Variants in MILR1 observed in about 807,000 individuals in gnomAD.
MILR1 encodes the protein allergin-1.
MILR1 carries 31 observed loss-of-function variants against 18.5 expected under a neutral mutation model. That is an observed-to-expected ratio of 1.68 (90% confidence interval 1.26 to 2.26). The LOEUF is 2.26. Ranked by LOEUF, MILR1 falls within the 30% of genes most tolerant of loss-of-function variation. The pLI, the probability that MILR1 is intolerant of heterozygous loss-of-function variation, is 0.00. For missense variants in MILR1, 257 were observed against 157.4 expected (o/e 1.63, Z -3.38); for synonymous variants, 85 against 56.2 (o/e 1.51, Z -2.30).
At chr17:64,454,678 A>G (rs2037250947) in intron 3 of MILR1, among the ~76,000 whole-genome samples, 1 of 152,180 alleles carries the variant, frequency 6.6e-6, no homozygotes, top group African/African-American at 2.4e-5. Flanking sequence ...GTTTTAGAGA[A>G]TGCTACGGAC....
chr17:64,493,572 C>T, the MILR1 span, among the ~76,000 whole-genome samples: 2 of 152,080 alleles, frequency 1.3e-5, no homozygotes, highest in Non-Finnish European at 2.9e-5. Context: ...GCAACCTCCG[C>T]CTCCCGGGTT....
chr17:64,462,638 A>G (rs917198207), intron 5 of MILR1, among the ~76,000 whole-genome samples: 9 of 150,610 alleles, frequency 6.0e-5, no homozygotes, highest in African/African-American at 2.2e-4. Flanking sequence ...CAAAACCCAC[A>G]ATTACTTTTT....
At chr17:64,496,349 A>C in the MILR1 span, 1 of 1,142,374 alleles carries the variant, frequency 8.8e-7, no homozygotes, top group Non-Finnish European at 1.3e-6. Flanking sequence ...AGATCCAGCA[A>C]GACTGCCTCG....
In MILR1 at chr17:64,454,764, C is replaced by A. The variant is rs929028435; in HGVS notation, c.367+1898C>A. ...ATCCCAGCACTTTGTGAGGCTGAGGCGGGAGGATCACCTGAGCCCAGGAGT... is the reference window on the plus strand; with the variant it reads ...ATCCCAGCACTTTGTGAGGCTGAGGAGGGAGGATCACCTGAGCCCAGGAGT... On this transcript the variant is annotated intron_variant, in intron 3 of 9. Transcript: ENST00000619286. Among the ~76,000 whole-genome samples, 680 of 152,132 alleles carry A rather than the reference C, an allele frequency of 4.5e-3. 3 individuals are homozygous for A. Among genetic ancestry groups the A allele is most frequent in the Non-Finnish European group, 7.7e-3 (523 of 67,998 alleles).
chr17:64,480,272 G>GA, the MILR1 span: 1 of 1,229,902 alleles, frequency 8.1e-7, no homozygotes, highest in Non-Finnish European at 1.2e-6. Context: ...ACTCTTTAAT[G>GA]AAAATACAAT....
At chr17:64,454,257 A>T (rs2037240789) in intron 3 of MILR1, among the ~76,000 whole-genome samples, 1 of 151,988 alleles carries the variant, frequency 6.6e-6, no homozygotes, top group Admixed American at 6.6e-5. Flanking sequence ...AGCCTATGTC[A>T]CCCAGGCTGG....
chr17:64,469,768 G>C (rs1555664257), downstream of MILR1, among the ~76,000 whole-genome samples: 1 of 152,150 alleles, frequency 6.6e-6, no homozygotes, highest in African/African-American at 2.4e-5. Context: ...GCTGCTGTGG[G>C]CTCCTCTGGC....
At chr17:64,496,359 G>T in the MILR1 span, 1 of 1,267,000 alleles carries the variant, frequency 7.9e-7, no homozygotes, top group African/African-American at 1.5e-5. Flanking sequence ...AGACTGCCTC[G>T]CCTTTCCACC....
chr17:64,459,986 AT>A (rs869263015), intron 4 of MILR1, among the ~76,000 whole-genome samples: 2 of 58,890 alleles, frequency 3.4e-5, no homozygotes, highest in Admixed American at 2.0e-4. Flanking sequence ...TTTTTATTTT[AT>A]TTTATTTTAT....
chr17:64,488,185 G>C, the MILR1 span, among the ~76,000 whole-genome samples: 2 of 152,158 alleles, frequency 1.3e-5, no homozygotes, highest in East Asian at 3.9e-4. Context: ...GCAACACAGC[G>C]AGACCCCATC....
the MILR1 span, chr17:64,491,389 C>G: frequency 1.7e-5 from 10 of 605,404 alleles, no homozygotes; most frequent in East Asian, 2.9e-4. Flanking sequence ...GAGCTTAGGA[C>G]TTCGAGACCA....
chr17:64,489,299 A>G, the MILR1 span, among the ~76,000 whole-genome samples: 1 of 151,808 alleles, frequency 6.6e-6, no homozygotes, highest in African/African-American at 2.4e-5. Context: ...AGGAGAAGGA[A>G]AAGCTCTACA....
At chr17:64,450,120 T>A (rs963349092) in intron 2 of MILR1, among the ~76,000 whole-genome samples, 63 of 152,070 alleles carry the variant, frequency 4.1e-4, no homozygotes, top group Admixed American at 6.6e-4. Context: ...TTGTATTTTT[T>A]GTAGAGACGG....
At chr17:64,462,386 C>T (rs1203630485) in intron 5 of MILR1, among the ~76,000 whole-genome samples, 2 of 152,142 alleles carry the variant, frequency 1.3e-5, no homozygotes, top group African/African-American at 4.8e-5. Context: ...GTGTTCATTT[C>T]GCACTGGGCG....
At chr17:64,482,875 A>G in the MILR1 span, 1 of 1,123,568 alleles carries the variant, frequency 8.9e-7, no homozygotes, top group Non-Finnish European at 1.4e-6. Flanking sequence ...TTTGGATAAT[A>G]CTCAATCTGT....
In MILR1 at chr17:64,451,931, C is replaced by CA. The variant is rs1268220197; in HGVS notation, c.98-652dup. Among the ~76,000 whole-genome samples, 311 of 118,338 alleles carry CA rather than the reference C, an allele frequency of 2.6e-3. 2 individuals are homozygous for CA. Among genetic ancestry groups the CA allele is most frequent in the East Asian group, 8.5e-3 (35 of 4,134 alleles). The allele number at this position is 118,338 out of a possible 152,430, so 77.6% of individuals were successfully genotyped here. A position where few individuals can be genotyped will look rare whatever the true frequency, so the allele number is the denominator to read the frequency against. On this transcript the variant is annotated intron_variant, in intron 2 of 9. Transcript: ENST00000619286. ...TGGGCAACAGAGTGAGACTCTGTCT[C>CA]AAAAAAAAAAAAAAGTTGAGCTTAT...
At chr17:64,473,186 A>G (rs2037715869), downstream of MILR1, among the ~76,000 whole-genome samples, 3 of 151,948 alleles carry the variant, frequency 2.0e-5, no homozygotes, top group East Asian at 5.8e-4. Context: ...CGTCTCTACT[A>G]AAAAATTCAA....
chr17:64,453,967 T>A (rs1234922333), intron 3 of MILR1, among the ~76,000 whole-genome samples: 1 of 152,146 alleles, frequency 6.6e-6, no homozygotes, highest in Non-Finnish European at 1.5e-5. Context: ...TCTCGCCCTG[T>A]CACCCAGGCT....
At chr17:64,478,340 A>G in the MILR1 span, among the ~76,000 whole-genome samples, 1 of 152,202 alleles carries the variant, frequency 6.6e-6, no homozygotes, top group East Asian at 1.9e-4. Flanking sequence ...TTTAGACTGA[A>G]GTCTCTTACA....
Sources: allele counts gnomAD v4.1 joint callset (sites outside exome capture counted in the v4.1 genomes callset), GRCh38; gene constraint gnomAD v4.1.1; transcripts MANE v1.5; gene names NCBI Gene and HGNC (gene_info 2026-07-23, HGNC 2026-07-21).